The following SMAD3 variants were observed in gnomAD, a reference collection of about 807,000 sequenced individuals.
SMAD3 encodes the protein SMAD family member 3, also known as MAD homolog 3.
SMAD3 carries 12 observed loss-of-function variants against 51.8 expected under a neutral mutation model. The observed-to-expected ratio is 0.23, with a 90% CI of 0.15 to 0.38. The LOEUF is 0.38. Ranked by LOEUF, SMAD3 falls within the 10% of genes least tolerant of loss-of-function variation. The probability of loss-of-function intolerance (pLI) is 1.00; values close to 1 mark genes in which losing one functional copy is unlikely to be tolerated. For synonymous variants in SMAD3, 238 were observed against 227.7 expected (o/e 1.05, Z -0.41); for missense variants, 294 against 565.6 (o/e 0.52, Z 4.87).
chr15:67,080,621 G>T (rs1478151366), intron 1 of SMAD3, among the ~76,000 whole-genome samples: 1 of 152,222 alleles, frequency 6.6e-6, no homozygotes, highest in Non-Finnish European at 1.5e-5. Flanking sequence ...GGGACTATTG[G>T]CTGGGAGTGG....
chr15:67,163,472 C>A (rs369670485), intron 1 of SMAD3, among the ~76,000 whole-genome samples: 3 of 152,306 alleles, frequency 2.0e-5, no homozygotes, highest in South Asian at 4.1e-4. Context: ...TTACGTCCCT[C>A]CAGAAGCCTT....
chr15:67,159,209 T>C (rs1311584291), intron 1 of SMAD3, among the ~76,000 whole-genome samples: 1 of 152,112 alleles, frequency 6.6e-6, no homozygotes, highest in African/African-American at 2.4e-5. Flanking sequence ...TTGCTGGGAC[T>C]ATAGGCATGG....
rs554053093 is a variant in SMAD3, at chr15:67,110,118, C to T, written c.206+43758C>T. On this transcript the variant is annotated intron_variant, in intron 1 of 8. Transcript: ENST00000327367. The stretch of plus-strand genomic sequence containing the variant: ...CTGTGCTTGCTGAACACCTCTAGGT[C>T]GTCAGTGAATGAAATAATTCATTCT... Among the ~76,000 whole-genome samples, 8 of 152,280 alleles carry T rather than the reference C, an allele frequency of 5.3e-5. No homozygotes were observed. The South Asian group carries it at 1.7e-3, about 32-fold the overall frequency.
intron 1 of SMAD3, among the ~76,000 whole-genome samples, chr15:67,131,147 A>G (rs763301270): frequency 2.0e-5 from 3 of 152,216 alleles, no homozygotes; most frequent in Non-Finnish European, 2.9e-5. Flanking sequence ...CGGCAGGAAT[A>G]TCTTGTCCTA....
chr15:67,129,311 G>T (rs1961467126), intron 1 of SMAD3, among the ~76,000 whole-genome samples: 1 of 152,202 alleles, frequency 6.6e-6, no homozygotes, highest in South Asian at 2.1e-4. Flanking sequence ...TATCACTGTA[G>T]TGTGAGCTAC....
At chr15:67,072,585 T>C (rs2140195589) in intron 1 of SMAD3, among the ~76,000 whole-genome samples, 1 of 152,308 alleles carries the variant, frequency 6.6e-6, no homozygotes, top group Non-Finnish European at 1.5e-5. Flanking sequence ...CATCTCATAG[T>C]GTTGGTTGGC....
At chr15:67,161,247 A>G (rs1446210842) in intron 1 of SMAD3, among the ~76,000 whole-genome samples, 1 of 152,096 alleles carries the variant, frequency 6.6e-6, no homozygotes, top group Non-Finnish European at 1.5e-5. Context: ...ATATGTAACT[A>G]TTTCTGGACT....
chr15:67,174,187 A>T (rs573745174), intron 5 of SMAD3: 3 of 152,572 alleles, frequency 2.0e-5, no homozygotes, highest in East Asian at 3.9e-4. Context: ...AGGAGCCTGC[A>T]GAAGGAGGCC....
chr15:67,181,174 G>A (rs1420780819), intron 5 of SMAD3, 67 bp from the exon 6 acceptor site: 7 of 1,182,914 alleles, frequency 5.9e-6, no homozygotes, highest in Non-Finnish European at 8.7e-6. Context: ...AGTGTCCATG[G>A]GACCCCATCG....
At chr15:67,157,351 A>G (rs995326860) in intron 1 of SMAD3, among the ~76,000 whole-genome samples, 3 of 152,228 alleles carry the variant, frequency 2.0e-5, no homozygotes, top group Admixed American at 1.3e-4. Context: ...GTGATGCAGC[A>G]TGGGATGACA....
At chr15:67,082,661 G>C (rs369384233) in intron 1 of SMAD3, among the ~76,000 whole-genome samples, 1 of 152,184 alleles carries the variant, frequency 6.6e-6, no homozygotes, top group Non-Finnish European at 1.5e-5. Context: ...AAGTTTTGCC[G>C]TCGTCGGACG....
intron 1 of SMAD3, among the ~76,000 whole-genome samples, chr15:67,084,269 G>T (rs1479044034): frequency 6.6e-6 from 1 of 150,866 alleles, no homozygotes; most frequent in Non-Finnish European, 1.5e-5. Context: ...TTTTAGTAGA[G>T]ACGGGGTTTC....
rs182111482 is a variant in SMAD3, at chr15:67,113,032, A to G, written c.206+46672A>G. Among the ~76,000 whole-genome samples the G allele has an allele frequency of 1.7e-3, 205 of 121,198 alleles. 53 individuals carry two copies. Among genetic ancestry groups the G allele is most frequent in the African/African-American group, 6.4e-3 (197 of 30,732 alleles). The allele number at this position is 121,198 out of a possible 152,430, so 79.5% of individuals were successfully genotyped here. Reference sequence around the variant, plus strand: ...TATCCTCATGACAGTCTTGACTACTATAGCTTTGTAGTATTAATCAACTTT... The same window carrying G: ...TATCCTCATGACAGTCTTGACTACTGTAGCTTTGTAGTATTAATCAACTTT... On this transcript the variant is annotated intron_variant, in intron 1 of 8. Transcript: ENST00000327367.
At chr15:67,152,651 T>C (rs1031430165) in intron 1 of SMAD3, among the ~76,000 whole-genome samples, 14 of 152,178 alleles carry the variant, frequency 9.2e-5, no homozygotes, top group Non-Finnish European at 1.9e-4. Context: ...TCAGGCCTAA[T>C]TTTCAGCAGA....
rs1962845880 is a variant in SMAD3 at position 67,174,840 on chromosome 15, C to G, written c.658+4236C>G. The stretch of plus-strand genomic sequence containing the variant: ...GACATCTGGTTTCTCCTTTCATTTC[C>G]TCCCCACTCCAGGTGTTAGCCCCAG... On this transcript the variant is annotated intron_variant, in intron 5 of 8. Coordinates refer to ENST00000327367, the MANE Select transcript of SMAD3 (RefSeq NM_005902.4). Among the ~76,000 whole-genome samples the G allele has an allele frequency of 2.0e-5, 3 of 152,300 alleles. No homozygotes were observed. In the South Asian group the frequency reaches 6.2e-4, roughly 32 times the overall value.
intron 1 of SMAD3, among the ~76,000 whole-genome samples, chr15:67,149,563 GTCC>G (rs1245583366): frequency 6.6e-6 from 1 of 152,170 alleles, no homozygotes; most frequent in East Asian, 1.9e-4. Context: ...CTTCTCTGAA[GTCC>G]TCCTTTCTTG....
At chr15:67,104,878 C>G (rs1220265140) in intron 1 of SMAD3, among the ~76,000 whole-genome samples, 1 of 152,382 alleles carries the variant, frequency 6.6e-6, no homozygotes, top group East Asian at 1.9e-4. Context: ...TTCTTCTCCC[C>G]CTTTTAGTAC....
rs1285702793 is a variant in SMAD3 at position 67,193,685 on chromosome 15, CTG to C, written c.*3153_*3154del. 2 of 232,456 alleles carry C rather than the reference CTG, an allele frequency of 8.6e-6. No homozygotes were observed. Among genetic ancestry groups the C allele is most frequent in the Non-Finnish European group, 8.5e-6 (1 of 117,636 alleles). 14.4% of individuals were successfully genotyped at this position (232,456 alleles called of 1,614,324 possible). ...GACGTCTCCATTGTCCTTATGTTGT[CTG>C]TGTTGTATTTTTTTTTTTTTATTGA... is the stretch of plus-strand genomic sequence containing the variant. On this transcript the variant is annotated 3_prime_UTR_variant, in exon 9 of 9. Coordinates refer to ENST00000327367, the MANE Select transcript of SMAD3 (RefSeq NM_005902.4).
At chr15:67,108,274 C>A (rs989473400) in intron 1 of SMAD3, among the ~76,000 whole-genome samples, 4 of 152,074 alleles carry the variant, frequency 2.6e-5, no homozygotes, top group African/African-American at 7.2e-5. Context: ...CAACTGCCAC[C>A]ATGGGAGAGG....
Sources: gnomAD v4.1 joint callset for allele counts (sites outside exome capture counted in the v4.1 genomes callset) on GRCh38, gnomAD v4.1.1 for gene constraint, MANE v1.5 for transcripts, NCBI Gene and HGNC (gene_info 2026-07-23, HGNC 2026-07-21) for gene names.